The following GRM7 variants were observed in gnomAD, a reference collection of about 807,000 sequenced individuals.
The protein encoded by GRM7 is metabotropic glutamate receptor 7.
A neutral mutation model predicts 84.5 loss-of-function variants in GRM7; 35 were observed. The observed-to-expected ratio is 0.41, with a 90% CI of 0.32 to 0.55. The LOEUF is 0.55. Ranked by LOEUF, GRM7 falls within the 20% of genes least tolerant of loss-of-function variation. GRM7 has a pLI of 0.19. For synonymous variants in GRM7, 487 were observed against 455.1 expected, an observed-to-expected ratio of 1.07 and a Z score of -0.89; for missense variants, 1,003 against 1,194.6, an observed-to-expected ratio of 0.84 and a Z score of 2.36.
intron 8 of GRM7, among the ~76,000 whole-genome samples, chr3:7,672,615 T>C (rs1177740188): frequency 1.3e-5 from 2 of 149,470 alleles, no homozygotes; most frequent in East Asian, 1.9e-4. Context: ...TTTTTTTTTT[T>C]TTTTTTTGAG....
At chr3:7,555,265 G>A (rs937993666) in intron 7 of GRM7, among the ~76,000 whole-genome samples, 1 of 152,102 alleles carries the variant, frequency 6.6e-6, no homozygotes, top group African/African-American at 2.4e-5. Context: ...ATAATAAGGT[G>A]GGATCTGAAG....
At chr3:6,909,962 T>C (rs558030847) in intron 1 of GRM7, among the ~76,000 whole-genome samples, 42 of 152,222 alleles carry the variant, frequency 2.8e-4, no homozygotes, top group Non-Finnish European at 5.0e-4. Flanking sequence ...CTAGATATGA[T>C]TCCTCAATGG....
rs559504309 is a variant in GRM7 at position 6,945,632 on chromosome 3, C to T, written c.519+83725C>T. ...TTCTAGTTCTAGATCCCTGAGGAAT[C>T]GCCACACCGACTTCCACAATGGTTG... is the stretch of plus-strand genomic sequence containing the variant. On this transcript the variant is annotated intron_variant, in intron 1 of 9. Coordinates refer to ENST00000357716, the MANE Select transcript of GRM7 (RefSeq NM_000844.4). 3.4e-3 allele frequency among the ~76,000 whole-genome samples: 512 copies of T among 152,138 alleles called. 2 individuals are homozygous for T. Among genetic ancestry groups the T allele is most frequent in the Non-Finnish European group, 5.0e-3 (339 of 67,986 alleles).
chr3:7,152,135 G>C (rs546725077), intron 2 of GRM7, among the ~76,000 whole-genome samples: 4 of 152,080 alleles, frequency 2.6e-5, no homozygotes, highest in Non-Finnish European at 4.4e-5. Context: ...CCTCAAGAAA[G>C]ACTTGCATTT....
intron 9 of GRM7, among the ~76,000 whole-genome samples, chr3:7,738,587 T>C (rs11915733): frequency 0.081 from 12,263 of 152,232 alleles, 652 homozygotes; most frequent in African/African-American, 0.14. Context: ...CCTGAGAAAT[T>C]AGTGTTTTAT....
At chr3:6,984,316 A>G (rs1322009577) in intron 1 of GRM7, among the ~76,000 whole-genome samples, 1 of 152,216 alleles carries the variant, frequency 6.6e-6, no homozygotes, top group African/African-American at 2.4e-5. Flanking sequence ...GACAAAAAGC[A>G]GAGTGCAAAA....
At chr3:6,898,882 G>C (rs945282118) in intron 1 of GRM7, among the ~76,000 whole-genome samples, 1 of 152,104 alleles carries the variant, frequency 6.6e-6, no homozygotes, top group Non-Finnish European at 1.5e-5. Flanking sequence ...ATAAGACCTT[G>C]GTGAAGCTGG....
chr3:7,060,349 A>G (rs1275247190), intron 1 of GRM7, among the ~76,000 whole-genome samples: 1 of 151,782 alleles, frequency 6.6e-6, no homozygotes, highest in African/African-American at 2.4e-5. Flanking sequence ...ACCTCCTTGC[A>G]TTTGGGTGGG....
intron 4 of GRM7, among the ~76,000 whole-genome samples, chr3:7,355,271 C>T (rs1445862169): frequency 6.6e-6 from 1 of 152,102 alleles, no homozygotes; most frequent in Non-Finnish European, 1.5e-5. Flanking sequence ...TTGGAGGAGA[C>T]ACATTGCTTC....
chr3:6,922,973 T>G (rs1697173495), intron 1 of GRM7, among the ~76,000 whole-genome samples: 2 of 152,198 alleles, frequency 1.3e-5, no homozygotes, highest in Non-Finnish European at 2.9e-5. Context: ...ACTTTTAGGC[T>G]ATCAAACAAA....
intron 1 of GRM7, among the ~76,000 whole-genome samples, chr3:6,891,169 G>A (rs1444637990): frequency 6.6e-6 from 1 of 152,060 alleles, no homozygotes; most frequent in Non-Finnish European, 1.5e-5. Flanking sequence ...ACACTGATGG[G>A]TCTTGACTCT....
intron 8 of GRM7, among the ~76,000 whole-genome samples, chr3:7,671,202 T>TG (rs1347806170): frequency 6.6e-6 from 1 of 152,148 alleles, no homozygotes; most frequent in African/African-American, 2.4e-5. Flanking sequence ...AGGCTGTGCT[T>TG]GCACATGCCC....
At chr3:7,117,900 C>T (rs1693090832) in intron 1 of GRM7, among the ~76,000 whole-genome samples, 1 of 152,072 alleles carries the variant, frequency 6.6e-6, no homozygotes, top group Non-Finnish European at 1.5e-5. Flanking sequence ...ATGAGAATCC[C>T]AGTTTCTTGC....
chr3:7,611,856 G>A (rs1369705683), intron 8 of GRM7, among the ~76,000 whole-genome samples: 3 of 152,140 alleles, frequency 2.0e-5, no homozygotes, highest in African/African-American at 7.2e-5. Flanking sequence ...GAACATTGAA[G>A]TTAATTCATA....
intron 9 of GRM7, among the ~76,000 whole-genome samples, chr3:7,739,299 T>C (rs995767990): frequency 6.6e-6 from 1 of 152,192 alleles, no homozygotes; most frequent in East Asian, 1.9e-4. Context: ...TATGTTAATA[T>C]GACTTCTCCG....
chr3:7,408,483 C>A (rs1695777468), intron 4 of GRM7, among the ~76,000 whole-genome samples: 1 of 152,048 alleles, frequency 6.6e-6, no homozygotes, highest in Non-Finnish European at 1.5e-5. Flanking sequence ...ATAGACACAC[C>A]AAATAATTTG....
chr3:7,365,093 T>C (rs73809077), intron 4 of GRM7, among the ~76,000 whole-genome samples: 5,781 of 151,952 alleles, frequency 0.038, 341 homozygotes, highest in African/African-American at 0.13. Flanking sequence ...CCTTTCAGGA[T>C]ACTTTCCCAC....
At chr3:7,277,419 A>G (rs1699112392) in intron 2 of GRM7, among the ~76,000 whole-genome samples, 2 of 152,020 alleles carry the variant, frequency 1.3e-5, no homozygotes, top group Admixed American at 6.6e-5. Context: ...TTTTGAACCA[A>G]TCAGAAGTGG....
intron 5 of GRM7, among the ~76,000 whole-genome samples, chr3:7,434,075 G>A (rs1473741868): frequency 6.6e-6 from 1 of 151,968 alleles, no homozygotes; most frequent in Non-Finnish European, 1.5e-5. Context: ...AGTTTTTCAT[G>A]TTGTCATGTC....
Sources: allele counts gnomAD v4.1 joint callset (sites outside exome capture counted in the v4.1 genomes callset), GRCh38; gene constraint gnomAD v4.1.1; transcripts MANE v1.5; gene names NCBI Gene and HGNC (gene_info 2026-07-23, HGNC 2026-07-21).